The following MBD5 variants were observed in gnomAD, a reference collection of about 807,000 sequenced individuals.
The protein encoded by MBD5 is methyl-CpG binding domain protein 5.
MBD5 carries 13 observed loss-of-function variants against 117.3 expected under a neutral mutation model. The observed-to-expected ratio is 0.11, with a 90% confidence interval of 0.07 to 0.18. The LOEUF is 0.18. Ranked by LOEUF, MBD5 falls within the 10% of genes least tolerant of loss-of-function variation. The pLI, the probability that MBD5 is intolerant of heterozygous loss-of-function variation, is 1.00. For missense variants in MBD5, 1,879 were observed against 2,093.8 expected (o/e 0.90, Z 2.00); for synonymous variants, 727 against 766.4 (o/e 0.95, Z 0.85).
chr2:148,476,559 A>G (rs1268663046), intron 8 of MBD5, among the ~76,000 whole-genome samples: 1 of 152,184 alleles, frequency 6.6e-6, no homozygotes, highest in African/African-American at 2.4e-5. Context: ...GAGCTTCCAC[A>G]AAATACTACC....
intron 5 of MBD5, among the ~76,000 whole-genome samples, chr2:148,459,839 G>A (rs1411015398): frequency 1.3e-5 from 2 of 152,168 alleles, no homozygotes; most frequent in African/African-American, 2.4e-5. Context: ...TGCTTGTTGT[G>A]TGTAAGGCGT....
chr2:148,496,386 G>A (rs1400358897), intron 11 of MBD5, among the ~76,000 whole-genome samples: 2 of 152,200 alleles, frequency 1.3e-5, no homozygotes. Context: ...ACTAAGCTGA[G>A]TAAAAGAACT....
chr2:148,128,376 A>T (rs558775257), intron 1 of MBD5, among the ~76,000 whole-genome samples: 1 of 152,316 alleles, frequency 6.6e-6, no homozygotes, highest in Admixed American at 6.5e-5. Context: ...ATTGATCCTT[A>T]TAATAGCCTT....
At chr2:148,220,764 T>C (rs976902898) in intron 2 of MBD5, among the ~76,000 whole-genome samples, 3 of 152,178 alleles carry the variant, frequency 2.0e-5, no homozygotes, top group Non-Finnish European at 2.9e-5. Flanking sequence ...ATTATACTTT[T>C]AGTTTTTTTC....
chr2:148,257,761 G>A (rs1265772064), intron 3 of MBD5, among the ~76,000 whole-genome samples: 1 of 152,186 alleles, frequency 6.6e-6, no homozygotes, highest in Non-Finnish European at 1.5e-5. Flanking sequence ...CACTGTAAAA[G>A]TTCATTGTTG....
chr2:148,370,687 C>G (rs1703828028), intron 4 of MBD5, among the ~76,000 whole-genome samples: 1 of 152,104 alleles, frequency 6.6e-6, no homozygotes. Flanking sequence ...CAGGGTTTCA[C>G]TGTGTTGCCC....
intron 2 of MBD5, among the ~76,000 whole-genome samples, chr2:148,229,878 AC>A (rs1699938894): frequency 1.3e-5 from 2 of 151,064 alleles, no homozygotes; most frequent in Admixed American, 1.3e-4. Context: ...GTCCCACCCC[AC>A]CCCCATCTCT....
intron 4 of MBD5, among the ~76,000 whole-genome samples, chr2:148,383,460 A>G (rs541199181): frequency 2.0e-5 from 3 of 152,308 alleles, no homozygotes; most frequent in East Asian, 3.9e-4. Flanking sequence ...TGAGGCAATA[A>G]TTAATACCTT....
chr2:148,282,558 ATG>A lies in MBD5; in HGVS notation c.-680+49175_-680+49176del, dbSNP rs373249864. Reference sequence around the variant, plus strand: ...GGTTAAAAAAATATGTATATATATAATGTGTGTGTGTGTATATATATATATAA... The same window carrying A: ...GGTTAAAAAAATATGTATATATATAATGTGTGTGTGTATATATATATATAA... On this transcript the variant is annotated intron_variant, in intron 3 of 13. Coordinates refer to ENST00000642680, the MANE Select transcript of MBD5 (RefSeq NM_001378120.1). 5.6e-3 allele frequency among the ~76,000 whole-genome samples: 850 copies of A among 151,390 alleles called. 9 individuals carry two copies. Among genetic ancestry groups the A allele is most frequent in the African/African-American group, 0.02 (818 of 41,270 alleles).
intron 1 of MBD5, among the ~76,000 whole-genome samples, chr2:148,024,270 T>A (rs1693841065): frequency 6.6e-6 from 1 of 152,238 alleles, no homozygotes; most frequent in South Asian, 2.1e-4. Flanking sequence ...TTATTACTAT[T>A]TTGAAAATAA....
intron 4 of MBD5, among the ~76,000 whole-genome samples, chr2:148,373,919 C>T (rs1246629231): frequency 6.6e-6 from 1 of 152,046 alleles, no homozygotes; most frequent in Admixed American, 6.6e-5. Flanking sequence ...ACAGGCTGGG[C>T]ATCCATAACC....
intron 1 of MBD5, among the ~76,000 whole-genome samples, chr2:148,176,322 T>TTC (rs1698386212): frequency 7.2e-6 from 1 of 138,732 alleles, no homozygotes; most frequent in South Asian, 2.2e-4. Context: ...TTTTTTTTTT[T>TTC]CAGAAAAAAA....
At chr2:148,100,597 A>T (rs1696181486) in intron 1 of MBD5, among the ~76,000 whole-genome samples, 1 of 152,172 alleles carries the variant, frequency 6.6e-6, no homozygotes, top group Non-Finnish European at 1.5e-5. Context: ...AACATTGTTT[A>T]TTCGTGTGTC....
intron 1 of MBD5, among the ~76,000 whole-genome samples, chr2:148,107,819 G>A (rs1362594613): frequency 1.3e-5 from 2 of 152,004 alleles, no homozygotes; most frequent in African/African-American, 4.8e-5. Flanking sequence ...TACATATAAT[G>A]TCTTATTTTT....
At chr2:148,164,521 C>T (rs1400492296) in intron 1 of MBD5, among the ~76,000 whole-genome samples, 2 of 151,996 alleles carry the variant, frequency 1.3e-5, no homozygotes, top group Non-Finnish European at 2.9e-5. Flanking sequence ...TCTGACCAAA[C>T]ATTAGCCATA....
intron 3 of MBD5, among the ~76,000 whole-genome samples, chr2:148,325,614 T>G (rs1702425011): frequency 6.6e-6 from 1 of 152,202 alleles, no homozygotes; most frequent in Admixed American, 6.5e-5. Context: ...TTTTCTAGTA[T>G]ATTTGCGTAG....
In MBD5 at chr2:148,488,060, C is replaced by T. The variant is rs1158945131; in HGVS notation, c.3754-1326C>T. Among the ~76,000 whole-genome samples, 3 of 152,074 alleles carry T rather than the reference C, an allele frequency of 2.0e-5. No individual in the cohort carries two copies. The East Asian group carries it at 5.8e-4, about 29-fold the overall frequency. On this transcript the variant is annotated intron_variant, in intron 10 of 13. Transcript: ENST00000642680. ...AAGGTATAATAAATAAGACAGGATC[C>T]TTGAGGAAGGGGCTTGGGATTCAGA...
At chr2:148,099,939 G>T (rs1383822911) in intron 1 of MBD5, among the ~76,000 whole-genome samples, 1 of 152,128 alleles carries the variant, frequency 6.6e-6, no homozygotes, top group African/African-American at 2.4e-5. Context: ...TTTGATGCTA[G>T]GTATGAAATG....
chr2:148,399,805 C>T (rs1241372235), intron 4 of MBD5, among the ~76,000 whole-genome samples: 2 of 152,040 alleles, frequency 1.3e-5, no homozygotes, highest in Non-Finnish European at 2.9e-5. Flanking sequence ...ATAGATAACT[C>T]TTATTATTTT....
Sources: allele counts gnomAD v4.1 joint callset (sites outside exome capture counted in the v4.1 genomes callset), GRCh38; gene constraint gnomAD v4.1.1; transcripts MANE v1.5; gene names NCBI Gene and HGNC (gene_info 2026-07-23, HGNC 2026-07-21).